PLEKHS1: variants seen among roughly 807,000 people sequenced by gnomAD.
PLEKHS1 encodes the protein pleckstrin homology domain containing S1.
PLEKHS1 carries 55 observed loss-of-function variants against 51.0 expected under a neutral mutation model. The observed-to-expected ratio is 1.08, with a 90% CI of 0.87 to 1.35. PLEKHS1 has a LOEUF of 1.35. Ranked by LOEUF, PLEKHS1 falls within the 40% of genes most tolerant of loss-of-function variation. PLEKHS1 has a pLI of 0.00. For missense variants in PLEKHS1, 398 were observed against 423.0 expected (o/e 0.94, Z 0.52); for synonymous variants, 153 against 144.8 (o/e 1.06, Z -0.41).
intron 6 of PLEKHS1, among the ~76,000 whole-genome samples, chr10:113,769,560 C>G (rs138644206): frequency 6.6e-6 from 1 of 152,038 alleles, no homozygotes. Context: ...TTGAGGGAAA[C>G]GCTGGTCATC....
chr10:113,752,455 A>AT (rs1853886108), intron 1 of PLEKHS1, among the ~76,000 whole-genome samples: 3 of 152,230 alleles, frequency 2.0e-5, no homozygotes, highest in Non-Finnish European at 4.4e-5. Context: ...ATCATAGAAT[A>AT]TCTGAGCTGG....
intron 2 of PLEKHS1, among the ~76,000 whole-genome samples, chr10:113,761,613 T>C (rs147117371): frequency 2.1e-3 from 314 of 152,262 alleles, no homozygotes; most frequent in Non-Finnish European, 3.2e-3. Context: ...AGCTAATTTT[T>C]GTCTGTTGTT....
intron 2 of PLEKHS1, among the ~76,000 whole-genome samples, chr10:113,760,631 A>T (rs1246080087): frequency 6.6e-6 from 1 of 152,126 alleles, no homozygotes; most frequent in Non-Finnish European, 1.5e-5. Flanking sequence ...TGTCTGTTCA[A>T]GTTCTTTGTT....
At chr10:113,768,876 C>G (rs771942533) in exon 6 of PLEKHS1, 3 of 1,613,266 alleles carry the variant, frequency 1.9e-6, no homozygotes, top group African/African-American at 1.3e-5. Flanking sequence ...AAAAGCAACA[C>G]AGCAGAACAC....
At chr10:113,774,485 A>T in intron 9 of PLEKHS1, 152 bp downstream of exon 9, 1 of 606,672 alleles carries the variant, frequency 1.6e-6, no homozygotes, top group Non-Finnish European at 2.8e-6. Context: ...ACACACAAAA[A>T]ATGAGGGAGT....
intron 2 of PLEKHS1, among the ~76,000 whole-genome samples, 166 bp from the exon 3 acceptor site, chr10:113,766,245 G>C (rs761876993): frequency 1.3e-5 from 2 of 152,174 alleles, no homozygotes; most frequent in Non-Finnish European, 2.9e-5. Context: ...GGAGGAATAA[G>C]AATCATACAT....
chr10:113,755,394 G>C (rs1174521481), intron 2 of PLEKHS1, 89 bp downstream of exon 2: 1 of 1,521,130 alleles, frequency 6.6e-7, no homozygotes, highest in South Asian at 1.3e-5. Flanking sequence ...TACAGAACTT[G>C]GTGGTTTTTG....
At chr10:113,774,702 T>C in intron 9 of PLEKHS1, 124 bp from the exon 10 acceptor site, 1 of 794,496 alleles carries the variant, frequency 1.3e-6, no homozygotes, top group East Asian at 2.5e-5. Flanking sequence ...TTCTGATAGT[T>C]GGACATACGT....
intron 2 of PLEKHS1, chr10:113,764,759 CTCTT>C (rs1462129930): frequency 1.3e-5 from 2 of 152,172 alleles, no homozygotes; most frequent in South Asian, 2.1e-4. Context: ...TGTACTGGTG[CTCTT>C]TCTGAGTTTT....
intron 5 of PLEKHS1, 117 bp from the exon 6 acceptor site, chr10:113,768,698 C>T: frequency 1.3e-6 from 1 of 742,494 alleles, no homozygotes; most frequent in Non-Finnish European, 2.1e-6. Context: ...AGGAAAAATT[C>T]TTATTTCGCT....
chr10:113,752,547 C>A (rs1342110897), intron 1 of PLEKHS1, among the ~76,000 whole-genome samples: 1 of 152,064 alleles, frequency 6.6e-6, no homozygotes, highest in Non-Finnish European at 1.5e-5. Context: ...AAGTGATACT[C>A]CCAGCAATCT....
intron 11 of PLEKHS1, among the ~76,000 whole-genome samples, chr10:113,778,605 C>A (rs1285395796): frequency 6.6e-6 from 1 of 150,618 alleles, no homozygotes; most frequent in African/African-American, 2.4e-5. Flanking sequence ...AGATATATAA[C>A]TAGTTAGTGG....
chr10:113,774,229 G>A, exon 9 of PLEKHS1: 1 of 1,582,338 alleles, frequency 6.3e-7, no homozygotes, highest in South Asian at 1.1e-5. Context: ...ATCTGCAGTT[G>A]GATAATATCA....
At chr10:113,775,952 G>A (rs1844633393) in intron 11 of PLEKHS1, 86 bp downstream of exon 11, 1 of 1,008,978 alleles carries the variant, frequency 9.9e-7, no homozygotes, top group African/African-American at 1.6e-5. Flanking sequence ...AGTGTATTTG[G>A]CAACACTGAC....
exon 3 of PLEKHS1, chr10:113,766,475 A>G (rs1369540944): frequency 6.2e-7 from 1 of 1,604,294 alleles, no homozygotes; most frequent in African/African-American, 1.3e-5. Flanking sequence ...TTAAATCACC[A>G]CCTTCTCAGC....
intron 11 of PLEKHS1, 86 bp downstream of exon 12, chr10:113,777,345 C>T (rs1005320098): frequency 1.2e-6 from 2 of 1,607,546 alleles, no homozygotes; most frequent in Non-Finnish European, 1.7e-6. Flanking sequence ...TGAGAAGTAC[C>T]CTGAATACAA....
At chr10:113,780,812 G>A (rs2134596567) in exon 12 of PLEKHS1, 2 of 1,534,524 alleles carry the variant, frequency 1.3e-6, no homozygotes, top group African/African-American at 1.4e-5. Flanking sequence ...GCAGAACCAG[G>A]ATGGAGCTGG....
chr10:113,771,527 T>C (rs1306832942), intron 7 of PLEKHS1, among the ~76,000 whole-genome samples: 1 of 151,580 alleles, frequency 6.6e-6, no homozygotes, highest in Non-Finnish European at 1.5e-5. Context: ...ATACAAAAAT[T>C]AGCTATGCAT....
At chr10:113,753,335 G>A (rs903947452) in intron 1 of PLEKHS1, among the ~76,000 whole-genome samples, 2 of 152,190 alleles carry the variant, frequency 1.3e-5, no homozygotes, top group African/African-American at 4.8e-5. Context: ...TCATGGATTT[G>A]ATAAGAAATC....
Sources: allele counts gnomAD v4.1 joint callset (sites outside exome capture counted in the v4.1 genomes callset), GRCh38; gene constraint gnomAD v4.1.1; transcripts MANE v1.5; gene names NCBI Gene and HGNC (gene_info 2026-07-23, HGNC 2026-07-21).